The following GALNTL6 variants were observed in gnomAD, a reference collection of about 807,000 sequenced individuals.
GALNTL6 encodes polypeptide N-acetylgalactosaminyltransferase like 6.
In GALNTL6, 46 loss-of-function variants were observed where a neutral mutation model predicts 73.7. That is an observed-to-expected ratio of 0.62 (90% confidence interval 0.49 to 0.80). GALNTL6 has a LOEUF of 0.80. Among genes scored for constraint, GALNTL6 ranks in the 30% least tolerant of loss-of-function variants. GALNTL6 has a pLI of 0.00. For missense variants in GALNTL6, 604 were observed against 755.0 expected (o/e 0.80, Z 2.34); for synonymous variants, 259 against 263.7 (o/e 0.98, Z 0.17).
chr4:172,736,210 C>T (rs1324527630), intron 5 of GALNTL6, among the ~76,000 whole-genome samples: 1 of 152,264 alleles, frequency 6.6e-6, no homozygotes, highest in South Asian at 2.1e-4. Flanking sequence ...AGCTGGGGGG[C>T]GCTGCAGGTG....
At chr4:172,797,252 T>C (rs1740322769) in intron 5 of GALNTL6, among the ~76,000 whole-genome samples, 1 of 152,104 alleles carries the variant, frequency 6.6e-6, no homozygotes. Context: ...AGTTTTTGTT[T>C]TTCTTTTTTT....
At chr4:173,039,554 A>G (rs1181082311) in intron 12 of GALNTL6, among the ~76,000 whole-genome samples, 3 of 152,186 alleles carry the variant, frequency 2.0e-5, no homozygotes, top group African/African-American at 4.8e-5. Context: ...TTCTTCCCAG[A>G]TAGCTACATT....
intron 2 of GALNTL6, among the ~76,000 whole-genome samples, chr4:172,219,917 C>G (rs1560975513): frequency 6.6e-6 from 1 of 151,930 alleles, no homozygotes; most frequent in Non-Finnish European, 1.5e-5. Flanking sequence ...GAACCAATAT[C>G]TGTATTTAAG....
rs571253143 is a variant in GALNTL6 at position 172,094,354 on chromosome 4, T to C, written c.139-135302T>C. On this transcript the variant is annotated intron_variant, in intron 2 of 12. Transcript: ENST00000506823. ...TTTAAATAATAGAAATTACAATGAT[T>C]ATTTGATTTGTATTCCATTATGTAA... 1.1e-4 allele frequency among the ~76,000 whole-genome samples: 16 copies of C among 152,266 alleles called. No homozygotes were observed. In the South Asian group the frequency reaches 3.3e-3, roughly 32 times the overall value.
intron 5 of GALNTL6, among the ~76,000 whole-genome samples, chr4:172,573,214 A>G (rs890772948): frequency 3.9e-5 from 6 of 152,304 alleles, no homozygotes; most frequent in Non-Finnish European, 8.8e-5. Flanking sequence ...CCTACTCTGC[A>G]TGAATGCACA....
chr4:172,115,920 T>C (rs913077195), intron 2 of GALNTL6, among the ~76,000 whole-genome samples: 2 of 152,030 alleles, frequency 1.3e-5, no homozygotes, highest in Non-Finnish European at 2.9e-5. Flanking sequence ...CCAAATACAG[T>C]ATTTCAGATA....
intron 2 of GALNTL6, among the ~76,000 whole-genome samples, chr4:172,164,462 T>A (rs1016674113): frequency 6.6e-6 from 1 of 152,072 alleles, no homozygotes; most frequent in Admixed American, 6.5e-5. Context: ...GTAAAAACCA[T>A]CTGAAATTGA....
At chr4:172,028,925 CTT>C (rs1354054261) in intron 2 of GALNTL6, among the ~76,000 whole-genome samples, 4 of 152,040 alleles carry the variant, frequency 2.6e-5, no homozygotes, top group African/African-American at 9.6e-5. Context: ...AGATTCTACT[CTT>C]TGATGTTATA....
chr4:172,183,707 G>C (rs1432506398), intron 2 of GALNTL6, among the ~76,000 whole-genome samples: 2 of 151,396 alleles, frequency 1.3e-5, no homozygotes, highest in African/African-American at 4.8e-5. Context: ...ATAAACATTT[G>C]TTGAGAGAAA....
intron 3 of GALNTL6, among the ~76,000 whole-genome samples, chr4:172,252,019 G>A (rs1007410555): frequency 5.3e-5 from 8 of 152,082 alleles, no homozygotes; most frequent in African/African-American, 1.4e-4. Flanking sequence ...AAGATTAAGG[G>A]TAGAAATATG....
At position 173,040,251 on chromosome 4, in the gene GALNTL6, A is replaced by T; in HGVS notation, c.*151A>T. ...TGCCATGTCAAAGTAGGTTGTTTTGAAGAACTTCCTGCATCTGAAGAACTT... is the reference window on the plus strand; with the variant it reads ...TGCCATGTCAAAGTAGGTTGTTTTGTAGAACTTCCTGCATCTGAAGAACTT... On this transcript the variant is annotated 3_prime_UTR_variant, in exon 13 of 13. Transcript: ENST00000506823. The T allele has an allele frequency of 1.8e-6, 1 of 557,050 alleles. No individual in the cohort carries two copies. Among genetic ancestry groups the T allele is most frequent in the Admixed American group, 3.6e-5 (1 of 27,804 alleles). The allele number at this position is 557,050 out of a possible 1,614,324, so 34.5% of individuals were successfully genotyped here.
chr4:172,676,013 T>C (rs28448298), intron 5 of GALNTL6, among the ~76,000 whole-genome samples: 2,806 of 152,322 alleles, frequency 0.018, 89 homozygotes, highest in African/African-American at 0.063. Flanking sequence ...ATTTTAGATG[T>C]TGCCTGAAGT....
chr4:172,929,553 G>A (rs766888751), intron 8 of GALNTL6, among the ~76,000 whole-genome samples: 29 of 152,048 alleles, frequency 1.9e-4, no homozygotes, highest in Admixed American at 8.5e-4. Context: ...GATTCTGCTG[G>A]CAGAATTCCT....
At chr4:172,828,365 C>A (rs953286017) in intron 7 of GALNTL6, among the ~76,000 whole-genome samples, 11 of 151,982 alleles carry the variant, frequency 7.2e-5, no homozygotes, top group African/African-American at 2.7e-4. Context: ...TTTCCCTGCA[C>A]CCCACGTCCC....
chr4:172,052,517 G>T, intron 2 of GALNTL6: 1 of 1,534,744 alleles, frequency 6.5e-7, no homozygotes, highest in South Asian at 1.2e-5. Flanking sequence ...CGGAGTGCAT[G>T]AGCTGGTTTA....
intron 2 of GALNTL6, among the ~76,000 whole-genome samples, chr4:171,882,462 T>TA (rs1408645613): frequency 1.3e-5 from 2 of 152,348 alleles, no homozygotes; most frequent in African/African-American, 4.8e-5. Flanking sequence ...AGTCCCATGA[T>TA]AGGCAGTCTG....
At chr4:172,133,201 G>C (rs1733547010) in intron 2 of GALNTL6, among the ~76,000 whole-genome samples, 1 of 152,166 alleles carries the variant, frequency 6.6e-6, no homozygotes, top group African/African-American at 2.4e-5. Flanking sequence ...AAATTAGCCT[G>C]AACTCCAGTT....
At chr4:172,156,553 A>ATATATATAG (rs1553997726) in intron 2 of GALNTL6, among the ~76,000 whole-genome samples, 1 of 137,610 alleles carries the variant, frequency 7.3e-6, no homozygotes, top group African/African-American at 2.8e-5. Flanking sequence ...ATATATATAT[A>ATATATATAG]TATATATATA....
At position 171,836,380 on chromosome 4, in the gene GALNTL6, C is replaced by T. The variant is rs186086492; in HGVS notation, c.138+21662C>T. ...ATGACCGTTAAACAGTTGCTCAAGG[C>T]CAAGTCAGTATATTTTTATTTTAAT... On this transcript the variant is annotated intron_variant, in intron 2 of 12. Coordinates refer to ENST00000506823, the MANE Select transcript of GALNTL6 (RefSeq NM_001034845.3). Among the ~76,000 whole-genome samples, 156 of 151,846 alleles carry T rather than the reference C, an allele frequency of 1.0e-3. 1 individual carries two copies. The highest frequency in any genetic ancestry group is 3.4e-3 in the Middle Eastern group (1 of 294).
Sources: allele counts gnomAD v4.1 joint callset (sites outside exome capture counted in the v4.1 genomes callset), GRCh38; gene constraint gnomAD v4.1.1; transcripts MANE v1.5; gene names NCBI Gene and HGNC (gene_info 2026-07-23, HGNC 2026-07-21).